The following NUBPL variants were observed in gnomAD, a reference collection of about 807,000 sequenced individuals.
NUBPL encodes iron-sulfur cluster transfer protein NUBPL.
NUBPL carries 31 observed loss-of-function variants against 45.7 expected under a neutral mutation model. That is an observed-to-expected ratio of 0.68 (90% confidence interval 0.51 to 0.92). The LOEUF (loss-of-function observed/expected upper bound fraction) is 0.92, where lower values mean the gene tolerates loss of function less well. Ranked by LOEUF, NUBPL falls within the 40% of genes least tolerant of loss-of-function variation. The pLI, the probability that NUBPL is intolerant of heterozygous loss-of-function variation, is 0.00. For synonymous variants in NUBPL, 144 were observed against 140.9 expected (o/e 1.02, Z -0.15); for missense variants, 401 against 398.7 (o/e 1.01, Z -0.05).
intron 6 of NUBPL, among the ~76,000 whole-genome samples, chr14:31,761,753 A>C (rs1469037133): frequency 6.6e-6 from 1 of 152,214 alleles, no homozygotes; most frequent in Non-Finnish European, 1.5e-5. Flanking sequence ...TCATTATCTT[A>C]TTAAGCAACA....
At chr14:31,699,398 A>G (rs543386302) in intron 6 of NUBPL, among the ~76,000 whole-genome samples, 1 of 152,326 alleles carries the variant, frequency 6.6e-6, no homozygotes, top group East Asian at 1.9e-4. Context: ...GCTAAGACTT[A>G]TACTGTTTAT....
intron 10 of NUBPL, among the ~76,000 whole-genome samples, chr14:31,851,789 C>G (rs1422840117): frequency 7.2e-6 from 1 of 139,150 alleles, no homozygotes; most frequent in African/African-American, 3.1e-5. Flanking sequence ...CTCCTGAGAA[C>G]AGACTATAAA....
At chr14:31,710,112 G>T (rs1478865251) in intron 6 of NUBPL, among the ~76,000 whole-genome samples, 1 of 152,110 alleles carries the variant, frequency 6.6e-6, no homozygotes, top group East Asian at 1.9e-4. Flanking sequence ...GAGTATTGGG[G>T]TCAGGCTGTA....
intron 6 of NUBPL, among the ~76,000 whole-genome samples, chr14:31,754,591 CTTTTTTTTTTTT>C (rs59085679): frequency 9.6e-6 from 1 of 103,698 alleles, no homozygotes; most frequent in Non-Finnish European, 1.9e-5. Flanking sequence ...AGAGGGTTTT[CTTTTTTTTTTTT>C]TTTTTTTTTC....
intron 10 of NUBPL, among the ~76,000 whole-genome samples, chr14:31,854,241 A>C (rs1385480125): frequency 6.6e-6 from 1 of 152,184 alleles, no homozygotes; most frequent in Non-Finnish European, 1.5e-5. Context: ...GTAGGGTCCA[A>C]CTGTATTATC....
intron 6 of NUBPL, among the ~76,000 whole-genome samples, chr14:31,710,070 C>A (rs1436172383): frequency 7.2e-5 from 11 of 152,112 alleles, no homozygotes; most frequent in Non-Finnish European, 1.5e-4. Flanking sequence ...TTTGTACTTC[C>A]CTCAGGTGGC....
At chr14:31,600,889 C>T (rs1017592682) in intron 4 of NUBPL, among the ~76,000 whole-genome samples, 1 of 151,324 alleles carries the variant, frequency 6.6e-6, no homozygotes, top group African/African-American at 2.4e-5. Flanking sequence ...GGTTTTAGGT[C>T]TAATGTTTAA....
At chr14:31,828,796 C>T (rs1205350283) in intron 8 of NUBPL, among the ~76,000 whole-genome samples, 1 of 152,120 alleles carries the variant, frequency 6.6e-6, no homozygotes, top group Non-Finnish European at 1.5e-5. Context: ...GATACTTAAT[C>T]TCATACTGTT....
chr14:31,732,963 C>A (rs1360643248), intron 6 of NUBPL, among the ~76,000 whole-genome samples: 1 of 152,028 alleles, frequency 6.6e-6, no homozygotes, highest in East Asian at 1.9e-4. Context: ...CTTTGCCTAT[C>A]CCAAGCGTGA....
intron 7 of NUBPL, among the ~76,000 whole-genome samples, chr14:31,798,303 G>GTTTT (rs71115031): frequency 1.5e-4 from 16 of 107,282 alleles, no homozygotes; most frequent in Non-Finnish European, 2.4e-4. Context: ...TTTATTTATG[G>GTTTT]TTTTTTTTTT....
Position 31,764,522 on chromosome 14 carries a change from A to C in NUBPL, c.514-23258A>C, listed in dbSNP as rs937432007. On this transcript the variant is annotated intron_variant, in intron 6 of 10. Coordinates refer to ENST00000281081, the MANE Select transcript of NUBPL (RefSeq NM_025152.3). ...CCCATTATTTATACTCAGACTTTAC[A>C]TATGCATATTAATGTGTGATCTGTA... Among the ~76,000 whole-genome samples the C allele has an allele frequency of 5.9e-5, 9 of 152,326 alleles. No homozygotes were observed. The East Asian group carries it at 1.7e-3, about 29-fold the overall frequency.
At chr14:31,770,070 A>T (rs2038980405) in intron 6 of NUBPL, among the ~76,000 whole-genome samples, 1 of 152,098 alleles carries the variant, frequency 6.6e-6, no homozygotes, top group African/African-American at 2.4e-5. Flanking sequence ...ATAGTAATTA[A>T]TATCTGAACC....
intron 6 of NUBPL, among the ~76,000 whole-genome samples, chr14:31,714,003 C>T (rs1416255198): frequency 1.3e-5 from 2 of 152,140 alleles, no homozygotes; most frequent in Non-Finnish European, 2.9e-5. Flanking sequence ...TACTGATTGG[C>T]TATGTAGAAA....
At chr14:31,578,105 A>G (rs1595306055) in intron 3 of NUBPL, 3 of 583,922 alleles carry the variant, frequency 5.1e-6, no homozygotes, top group South Asian at 1.5e-5. Flanking sequence ...TAAAATGTCC[A>G]TAATATTACC....
chr14:31,730,160 C>T (rs1366572635), intron 6 of NUBPL, among the ~76,000 whole-genome samples: 1 of 152,082 alleles, frequency 6.6e-6, no homozygotes, highest in Non-Finnish European at 1.5e-5. Flanking sequence ...TAGATTTTTA[C>T]AATTATTTGG....
chr14:31,736,791 G>A (rs929112018), intron 6 of NUBPL, among the ~76,000 whole-genome samples: 9 of 152,166 alleles, frequency 5.9e-5, no homozygotes, highest in Non-Finnish European at 1.3e-4. Flanking sequence ...GTTTTCTAAG[G>A]TAATTGTACC....
At chr14:31,573,809 T>C (rs2033649978) in intron 3 of NUBPL, among the ~76,000 whole-genome samples, 1 of 152,214 alleles carries the variant, frequency 6.6e-6, no homozygotes, top group Non-Finnish European at 1.5e-5. Flanking sequence ...GATGAACACT[T>C]TCTATATTAT....
chr14:31,855,360 C>T (rs931244708), intron 10 of NUBPL, among the ~76,000 whole-genome samples: 2 of 152,120 alleles, frequency 1.3e-5, no homozygotes, highest in Admixed American at 1.3e-4. Flanking sequence ...TTAGACTATG[C>T]TTTATGATTA....
At chr14:31,802,250 C>T (rs2039604504) in intron 7 of NUBPL, among the ~76,000 whole-genome samples, 1 of 149,552 alleles carries the variant, frequency 6.7e-6, no homozygotes, top group Non-Finnish European at 1.5e-5. Flanking sequence ...ATCTCCTTAG[C>T]ACACGATTTA....
Sources: allele counts gnomAD v4.1 joint callset (sites outside exome capture counted in the v4.1 genomes callset), GRCh38; gene constraint gnomAD v4.1.1; transcripts MANE v1.5; gene names NCBI Gene and HGNC (gene_info 2026-07-23, HGNC 2026-07-21).